PDE1C: variants seen among roughly 807,000 people sequenced by gnomAD.
PDE1C encodes dual specificity calcium/calmodulin-dependent 3',5'-cyclic nucleotide phosphodiesterase 1C.
A neutral mutation model predicts 93.1 loss-of-function variants in PDE1C; 62 were observed. The observed-to-expected ratio is 0.67, with a 90% CI of 0.54 to 0.82. PDE1C has a LOEUF of 0.82. Among genes scored for constraint, PDE1C ranks in the 40% least tolerant of loss-of-function variants. The pLI is 0.00. For synonymous variants in PDE1C, 325 were observed against 310.1 expected (o/e 1.05, Z -0.50); for missense variants, 742 against 884.6 (o/e 0.84, Z 2.04).
intron 1 of PDE1C, among the ~76,000 whole-genome samples, chr7:32,354,409 T>C (rs1019274673): frequency 5.9e-5 from 9 of 152,138 alleles, no homozygotes; most frequent in African/African-American, 2.2e-4. Context: ...AGAGAATCAC[T>C]TGAGGCCAGA....
chr7:31,977,057 A>T (rs1361921335), intron 2 of PDE1C, among the ~76,000 whole-genome samples: 3 of 152,210 alleles, frequency 2.0e-5, no homozygotes, highest in African/African-American at 7.2e-5. Context: ...ATGATTCAGA[A>T]ACACTAAATT....
chr7:31,796,228 A>G (rs2128675769), intron 16 of PDE1C, among the ~76,000 whole-genome samples: 1 of 150,964 alleles, frequency 6.6e-6, no homozygotes, highest in East Asian at 2.0e-4. Flanking sequence ...TATATGTCAT[A>G]TATGCATCAT....
the PDE1C span, among the ~76,000 whole-genome samples, chr7:31,691,833 A>T: frequency 6.6e-6 from 1 of 151,522 alleles, no homozygotes; most frequent in African/African-American, 2.4e-5. Flanking sequence ...CCAAGCAAAA[A>T]ACCCACAACA....
intron 3 of PDE1C, among the ~76,000 whole-genome samples, chr7:32,167,596 G>T (rs1328720277): frequency 6.6e-6 from 1 of 152,150 alleles, no homozygotes; most frequent in Non-Finnish European, 1.5e-5. Context: ...AACCCAGCCT[G>T]TCAATAAGGC....
At chr7:32,253,224 A>T (rs963623064) in intron 1 of PDE1C, among the ~76,000 whole-genome samples, 7 of 152,216 alleles carry the variant, frequency 4.6e-5, no homozygotes, top group Non-Finnish European at 1.0e-4. Context: ...TCATCCCCAG[A>T]AGTAGAATTC....
intron 1 of PDE1C, among the ~76,000 whole-genome samples, chr7:32,338,062 T>C (rs575901952): frequency 1.5e-4 from 23 of 152,280 alleles, no homozygotes; most frequent in Admixed American, 2.6e-4. Flanking sequence ...GATTTGGCAA[T>C]GATTCCTTAG....
chr7:31,904,978 C>T (rs1280986175), intron 2 of PDE1C, among the ~76,000 whole-genome samples: 1 of 152,022 alleles, frequency 6.6e-6, no homozygotes, highest in Non-Finnish European at 1.5e-5. Flanking sequence ...GCTGAACATA[C>T]TTACTATGGG....
the PDE1C span, among the ~76,000 whole-genome samples, chr7:31,702,897 AGGAGAAGACTT>A: frequency 6.6e-6 from 1 of 152,232 alleles, no homozygotes; most frequent in Non-Finnish European, 1.5e-5. Flanking sequence ...AAGACCTTCT[AGGAGAAGACTT>A]GGTAGAAAAA....
At chr7:31,909,000 C>T (rs1456385607) in intron 2 of PDE1C, among the ~76,000 whole-genome samples, 1 of 152,138 alleles carries the variant, frequency 6.6e-6, no homozygotes, top group Non-Finnish European at 1.5e-5. Flanking sequence ...CTGAGAGTTT[C>T]AGGATGCCCT....
the PDE1C span, among the ~76,000 whole-genome samples, chr7:31,637,018 G>A: frequency 6.6e-6 from 1 of 151,754 alleles, no homozygotes. Flanking sequence ...AGTTTGCTGA[G>A]AATGATGGTT....
chr7:32,206,397 C>T (rs1805532361), intron 2 of PDE1C, among the ~76,000 whole-genome samples: 1 of 152,132 alleles, frequency 6.6e-6, no homozygotes, highest in Non-Finnish European at 1.5e-5. Context: ...CTAATAGAGA[C>T]CGACAGTTGC....
At chr7:32,066,452 G>A (rs1423028692) in intron 1 of PDE1C, among the ~76,000 whole-genome samples, 1 of 152,020 alleles carries the variant, frequency 6.6e-6, no homozygotes, top group Non-Finnish European at 1.5e-5. Context: ...CCTCATAGTT[G>A]GGCAAAATAA....
At chr7:31,722,618 G>A in the PDE1C span, among the ~76,000 whole-genome samples, 1 of 152,188 alleles carries the variant, frequency 6.6e-6, no homozygotes, top group East Asian at 1.9e-4. Context: ...AAGGAATGAT[G>A]TTCCACCTGA....
chr7:31,754,335 A>G (rs945585368), intron 17 of PDE1C, among the ~76,000 whole-genome samples: 1 of 152,222 alleles, frequency 6.6e-6, no homozygotes, highest in Non-Finnish European at 1.5e-5. Context: ...ACCGTTTCTT[A>G]TGAAGCTAGA....
At chr7:31,803,302 T>C (rs1478244682) in intron 16 of PDE1C, among the ~76,000 whole-genome samples, 2 of 151,850 alleles carry the variant, frequency 1.3e-5, no homozygotes, top group Non-Finnish European at 2.9e-5. Flanking sequence ...TCTGAACATA[T>C]GGGCTACAGT....
At chr7:32,339,004 A>G (rs1783687772) in intron 1 of PDE1C, among the ~76,000 whole-genome samples, 2 of 124,266 alleles carry the variant, frequency 1.6e-5, no homozygotes, top group Non-Finnish European at 3.3e-5. Flanking sequence ...CTCCATCTCA[A>G]AAAAAGCACA....
chr7:31,681,983 G>A, the PDE1C span, among the ~76,000 whole-genome samples: 1 of 152,166 alleles, frequency 6.6e-6, no homozygotes, highest in Admixed American at 6.5e-5. Context: ...AGCAGCTTTA[G>A]ATTTGGAGTC....
At chr7:32,375,856 C>T (rs773736535) in intron 1 of PDE1C, among the ~76,000 whole-genome samples, 6 of 152,172 alleles carry the variant, frequency 3.9e-5, no homozygotes, top group Non-Finnish European at 8.8e-5. Flanking sequence ...TCATTTGAAC[C>T]TTAAAATATT....
intron 1 of PDE1C, among the ~76,000 whole-genome samples, chr7:32,418,039 A>C (rs1213024817): frequency 6.6e-6 from 1 of 152,176 alleles, no homozygotes; most frequent in Non-Finnish European, 1.5e-5. Flanking sequence ...GACCTAGGCT[A>C]AAATGCAGTG....
Sources: allele counts gnomAD v4.1 joint callset (sites outside exome capture counted in the v4.1 genomes callset), GRCh38; gene constraint gnomAD v4.1.1; transcripts MANE v1.5; gene names NCBI Gene and HGNC (gene_info 2026-07-23, HGNC 2026-07-21).